The following CNOT6 variants were observed in gnomAD, a reference collection of about 807,000 sequenced individuals.
The protein encoded by CNOT6 is carbon catabolite repression 4 protein.
In CNOT6, 12 loss-of-function variants were observed where a neutral mutation model predicts 61.2. That is an observed-to-expected ratio of 0.20 (90% CI 0.13 to 0.32). CNOT6 has a LOEUF of 0.32. Ranked by LOEUF, CNOT6 falls within the 10% of genes least tolerant of loss-of-function variation. CNOT6 has a pLI of 1.00. For missense variants in CNOT6, 405 were observed against 663.9 expected, an observed-to-expected ratio of 0.61 and a Z score of 4.28; for synonymous variants, 225 against 240.6, an observed-to-expected ratio of 0.94 and a Z score of 0.60.
intron 2 of CNOT6, among the ~76,000 whole-genome samples, chr5:180,532,856 A>T (rs1758461953): frequency 6.6e-6 from 1 of 152,214 alleles, no homozygotes; most frequent in African/African-American, 2.4e-5. Context: ...CCAGTTTATT[A>T]TAAAGGATAT....
At chr5:180,555,540 GTCT>G (rs924945034) in intron 4 of CNOT6, among the ~76,000 whole-genome samples, 3 of 152,162 alleles carry the variant, frequency 2.0e-5, no homozygotes, top group Non-Finnish European at 2.9e-5. Context: ...TGTAATAGCA[GTCT>G]TCTTTTACTG....
In CNOT6 at chr5:180,577,695, C is replaced by A. The variant is rs1265919426; in HGVS notation, c.*3495C>A. ...TATATTGTGTGATGCACTGGACTAA[C>A]TCTTGTTTACCATTCATGTAACAAA... On this transcript the variant is annotated 3_prime_UTR_variant, in exon 12 of 12. Coordinates refer to ENST00000261951, the MANE Select transcript of CNOT6 (RefSeq NM_001370472.1). 2.0e-5 allele frequency: 3 copies of A among 152,630 alleles called. No homozygotes were observed. The highest frequency in any genetic ancestry group is 7.2e-5 in the African/African-American group (3 of 41,444). The allele number at this position is 152,630 out of a possible 1,614,324, so 9.5% of individuals were successfully genotyped here. A position where few individuals can be genotyped will look rare whatever the true frequency, so the allele number is the denominator to read the frequency against.
At chr5:180,520,994 G>A (rs1422633340) in intron 1 of CNOT6, among the ~76,000 whole-genome samples, 4 of 151,694 alleles carry the variant, frequency 2.6e-5, no homozygotes, top group African/African-American at 4.8e-5. Flanking sequence ...ATGGGCACCC[G>A]CCACCACACC....
At chr5:180,558,485 G>C (rs1217927994) in intron 4 of CNOT6, among the ~76,000 whole-genome samples, 1 of 148,480 alleles carries the variant, frequency 6.7e-6, no homozygotes, top group African/African-American at 2.5e-5. Context: ...CCAGGAAGGC[G>C]CGCCCTCCTT....
intron 2 of CNOT6, among the ~76,000 whole-genome samples, chr5:180,547,599 A>C (rs1420838986): frequency 6.6e-6 from 1 of 152,148 alleles, no homozygotes; most frequent in Non-Finnish European, 1.5e-5. Flanking sequence ...GCTGCATTTT[A>C]TCTTTGCTCC....
At chr5:180,527,643 A>G (rs969049849) in intron 1 of CNOT6, among the ~76,000 whole-genome samples, 1 of 152,170 alleles carries the variant, frequency 6.6e-6, no homozygotes, top group African/African-American at 2.4e-5. Context: ...TGAGGGGTCA[A>G]GGACATAGGT....
intron 3 of CNOT6, among the ~76,000 whole-genome samples, chr5:180,550,364 C>G (rs1255433012): frequency 5.9e-5 from 9 of 151,790 alleles, no homozygotes; most frequent in Admixed American, 3.9e-4. Context: ...GGCAGGAGAA[C>G]AGTGTGAACC....
chr5:180,549,896 T>G (rs376622927), intron 2 of CNOT6, 35 bp from the exon 3 acceptor site: 2 of 1,477,286 alleles, frequency 1.4e-6, no homozygotes, highest in Admixed American at 1.9e-5. Context: ...TAGAGAAAAC[T>G]ATATAATCCG....
At chr5:180,501,342 G>T (rs879730469) in intron 1 of CNOT6, among the ~76,000 whole-genome samples, 13 of 152,176 alleles carry the variant, frequency 8.5e-5, no homozygotes, top group Non-Finnish European at 1.6e-4. Context: ...TTCAGAACTT[G>T]TTTAGCTTAG....
At chr5:180,566,789 A>G (rs1760485628) in intron 7 of CNOT6, among the ~76,000 whole-genome samples, 1 of 151,428 alleles carries the variant, frequency 6.6e-6, no homozygotes, top group African/African-American at 2.4e-5. Flanking sequence ...AGTAGCTGGG[A>G]TTACAGGCAT....
In CNOT6 at chr5:180,533,312, C is replaced by CTA. The variant is rs56266069; in HGVS notation, c.112+3954_112+3955dup. Among the ~76,000 whole-genome samples the CTA allele has an allele frequency of 9.8e-3, 1,247 of 127,536 alleles. 31 individuals are homozygous for CTA. The highest frequency in any genetic ancestry group is 0.036 in the African/African-American group (1,141 of 32,028). 83.7% of individuals were successfully genotyped at this position (127,536 alleles called of 152,430 possible). Reference sequence around the variant, plus strand: ...GGAACCAGGAACCATGGATGAAAACCTATATATATATATATATATATATAT... The same window carrying CTA: ...GGAACCAGGAACCATGGATGAAAACCTATATATATATATATATATATATATAT... On this transcript the variant is annotated intron_variant, in intron 2 of 11. Coordinates refer to ENST00000261951, the MANE Select transcript of CNOT6 (RefSeq NM_001370472.1).
chr5:180,556,690 C>T (rs1422682297), intron 4 of CNOT6, among the ~76,000 whole-genome samples: 2 of 152,224 alleles, frequency 1.3e-5, no homozygotes, highest in Admixed American at 6.5e-5. Context: ...CAGTGGCTCA[C>T]GCCTATAATC....
intron 1 of CNOT6, among the ~76,000 whole-genome samples, chr5:180,516,278 T>G (rs1336271793): frequency 6.7e-6 from 1 of 150,110 alleles, no homozygotes; most frequent in African/African-American, 2.5e-5. Context: ...CCTCCCAGGT[T>G]CAATCGATTC....
chr5:180,542,761 A>T (rs1028770325), intron 2 of CNOT6, among the ~76,000 whole-genome samples: 5 of 152,238 alleles, frequency 3.3e-5, no homozygotes, highest in Admixed American at 1.3e-4. Flanking sequence ...TTATCAAAAC[A>T]GGGCTCTTAA....
At chr5:180,568,899 T>G (rs1760606821) in intron 9 of CNOT6, among the ~76,000 whole-genome samples, 1 of 152,168 alleles carries the variant, frequency 6.6e-6, no homozygotes, top group Admixed American at 6.5e-5. Flanking sequence ...TTTGTACAAG[T>G]AGTGAATGCC....
At chr5:180,541,173 C>G (rs1318106268) in intron 2 of CNOT6, among the ~76,000 whole-genome samples, 1 of 150,416 alleles carries the variant, frequency 6.6e-6, no homozygotes, top group South Asian at 2.1e-4. Flanking sequence ...GAGTCTTACT[C>G]TCTTGCCCAG....
intron 8 of CNOT6, 44 bp from the exon 9 acceptor site, chr5:180,567,805 A>G (rs1444867685): frequency 1.2e-6 from 2 of 1,612,972 alleles, no homozygotes; most frequent in East Asian, 4.5e-5. Flanking sequence ...ACCTCTTGGT[A>G]TTCCCAACTC....
chr5:180,520,369 C>T (rs1757827344), intron 1 of CNOT6, among the ~76,000 whole-genome samples: 1 of 152,028 alleles, frequency 6.6e-6, no homozygotes, highest in Admixed American at 6.5e-5. Flanking sequence ...CTGGGCCGGG[C>T]GCGGTGGCTC....
At chr5:180,541,554 G>C (rs1420497588) in intron 2 of CNOT6, among the ~76,000 whole-genome samples, 9 of 138,438 alleles carry the variant, frequency 6.5e-5, no homozygotes, top group African/African-American at 2.2e-4. Flanking sequence ...CGGATTCACA[G>C]CATTTTCCTG....
Sources: allele counts gnomAD v4.1 joint callset (sites outside exome capture counted in the v4.1 genomes callset), GRCh38; gene constraint gnomAD v4.1.1; transcripts MANE v1.5; gene names NCBI Gene and HGNC (gene_info 2026-07-23, HGNC 2026-07-21).